STX8: variants seen among roughly 807,000 people sequenced by gnomAD.
The protein encoded by STX8 is syntaxin-8.
A neutral mutation model predicts 37.5 loss-of-function variants in STX8; 23 were observed. That is an observed-to-expected ratio of 0.61 (90% confidence interval 0.44 to 0.87). The LOEUF (loss-of-function observed/expected upper bound fraction) is 0.87. Ranked by LOEUF, STX8 falls within the 40% of genes least tolerant of loss-of-function variation. The pLI is 0.00. For missense variants in STX8, 313 were observed against 284.7 expected, an observed-to-expected ratio of 1.10 and a Z score of -0.71; for synonymous variants, 115 against 99.1, an observed-to-expected ratio of 1.16 and a Z score of -0.95.
At chr17:9,388,047 AGTT>A (rs1265165276) in intron 6 of STX8, among the ~76,000 whole-genome samples, 1 of 148,744 alleles carries the variant, frequency 6.7e-6, no homozygotes, top group Non-Finnish European at 1.5e-5. Flanking sequence ...CCTCTTTATT[AGTT>A]GTTGTTTCTA....
chr17:9,443,978 T>A (rs1053552464), intron 6 of STX8, among the ~76,000 whole-genome samples: 4 of 152,190 alleles, frequency 2.6e-5, no homozygotes, highest in African/African-American at 9.6e-5. Flanking sequence ...TGTGTCATCA[T>A]GTGACACGAC....
At chr17:9,427,776 C>T (rs73973742) in intron 6 of STX8, among the ~76,000 whole-genome samples, 7,507 of 152,164 alleles carry the variant, frequency 0.049, 565 homozygotes, top group African/African-American at 0.16. Flanking sequence ...AGAAGGCTAG[C>T]GGGTGCCTGT....
chr17:9,476,262 C>T (rs1335026755), intron 6 of STX8, among the ~76,000 whole-genome samples: 1 of 152,166 alleles, frequency 6.6e-6, no homozygotes, highest in African/African-American at 2.4e-5. Flanking sequence ...GTCCTTCATT[C>T]ATAAATATGA....
At chr17:9,445,749 C>T (rs182459330) in intron 6 of STX8, among the ~76,000 whole-genome samples, 57 of 152,142 alleles carry the variant, frequency 3.7e-4, no homozygotes, top group African/African-American at 1.3e-3. Context: ...CATGAAGATA[C>T]ATTAAGCACA....
intron 7 of STX8, among the ~76,000 whole-genome samples, chr17:9,282,112 TG>T (rs1332302451): frequency 6.6e-6 from 1 of 152,080 alleles, no homozygotes; most frequent in African/African-American, 2.4e-5. Flanking sequence ...GATAAATTTT[TG>T]TTTGGTACTG....
chr17:9,329,634 G>C (rs1314403746), intron 7 of STX8, among the ~76,000 whole-genome samples: 1 of 152,212 alleles, frequency 6.6e-6, no homozygotes, highest in Admixed American at 6.5e-5. Flanking sequence ...GGTGCCAAAT[G>C]GGGGAGGATG....
intron 5 of STX8, among the ~76,000 whole-genome samples, chr17:9,501,478 G>A (rs911287409): frequency 1.3e-5 from 2 of 150,930 alleles, no homozygotes; most frequent in Non-Finnish European, 2.9e-5. Flanking sequence ...GTCACCTGAG[G>A]TCAGGAGTTT....
At chr17:9,482,828 G>A (rs1399971566) in intron 6 of STX8, among the ~76,000 whole-genome samples, 3 of 152,114 alleles carry the variant, frequency 2.0e-5, no homozygotes, top group Non-Finnish European at 4.4e-5. Flanking sequence ...GCAGAAGAAT[G>A]GGTTGAACCC....
intron 1 of STX8, among the ~76,000 whole-genome samples, chr17:9,570,633 G>C (rs547913661): frequency 5.7e-4 from 86 of 152,114 alleles, no homozygotes; most frequent in African/African-American, 2.0e-3. Flanking sequence ...AGGAAAATTG[G>C]GTCCTGGTCC....
chr17:9,496,993 G>C (rs946365367), intron 5 of STX8, among the ~76,000 whole-genome samples: 1 of 152,140 alleles, frequency 6.6e-6, no homozygotes, highest in East Asian at 1.9e-4. Flanking sequence ...CACTAAGTTT[G>C]TGCTAATTTA....
chr17:9,508,010 G>A lies in STX8; in HGVS notation c.324-2848C>T, dbSNP rs146556174. Among the ~76,000 whole-genome samples, 23 of 152,058 alleles carry A rather than the reference G, an allele frequency of 1.5e-4. No homozygotes were observed. The East Asian group carries it at 2.3e-3, about 15-fold the overall frequency. Reference sequence around the variant, plus strand: ...ATAGACATCAACATAGGGATACATCGAACATGAAAAAGCAAGGAAACATGA... The same window carrying A: ...ATAGACATCAACATAGGGATACATCAAACATGAAAAAGCAAGGAAACATGA... On this transcript the variant is annotated intron_variant, in intron 4 of 7. Transcript: ENST00000306357.
intron 6 of STX8, among the ~76,000 whole-genome samples, chr17:9,408,942 C>T (rs752466128): frequency 2.6e-5 from 4 of 152,020 alleles, no homozygotes; most frequent in African/African-American, 7.3e-5. Flanking sequence ...AAGAAAGAAT[C>T]GTACCTACTG....
chr17:9,325,370 A>C (rs1246179318), intron 7 of STX8, among the ~76,000 whole-genome samples: 2 of 152,192 alleles, frequency 1.3e-5, no homozygotes, highest in Admixed American at 6.5e-5. Flanking sequence ...TAAGGTATGT[A>C]TAGTGTATGA....
intron 7 of STX8, among the ~76,000 whole-genome samples, chr17:9,354,655 A>C (rs1283639953): frequency 1.3e-4 from 19 of 151,884 alleles, no homozygotes; most frequent in Admixed American, 1.2e-3. Flanking sequence ...TCGTGCTTCC[A>C]TTTCTGTATT....
At chr17:9,399,865 C>CA (rs201703835) in intron 6 of STX8, among the ~76,000 whole-genome samples, 2,586 of 98,178 alleles carry the variant, frequency 0.026, 27 homozygotes, top group African/African-American at 0.034. Flanking sequence ...GACTCTGTCT[C>CA]AAAAAAAAAA....
At chr17:9,535,967 A>T (rs1906033487) in intron 4 of STX8, among the ~76,000 whole-genome samples, 1 of 152,234 alleles carries the variant, frequency 6.6e-6, no homozygotes, top group Admixed American at 6.5e-5. Context: ...GTGACAAAAG[A>T]ATGTTGCAGA....
intron 7 of STX8, among the ~76,000 whole-genome samples, chr17:9,274,054 G>T (rs936943572): frequency 5.9e-5 from 9 of 152,058 alleles, no homozygotes; most frequent in Admixed American, 5.9e-4. Flanking sequence ...GACCATAACC[G>T]GTACTTACTC....
intron 6 of STX8, among the ~76,000 whole-genome samples, chr17:9,416,451 C>T (rs1197445284): frequency 1.3e-5 from 2 of 151,988 alleles, no homozygotes; most frequent in African/African-American, 2.4e-5. Context: ...TTCACTGAAA[C>T]GTCCACCTCC....
intron 4 of STX8, among the ~76,000 whole-genome samples, chr17:9,523,019 T>C (rs565349332): frequency 6.6e-6 from 1 of 151,952 alleles, no homozygotes; most frequent in Non-Finnish European, 1.5e-5. Context: ...TGTATCAAAA[T>C]ATCACACTGT....
Sources: gnomAD v4.1 joint callset for allele counts (sites outside exome capture counted in the v4.1 genomes callset) on GRCh38, gnomAD v4.1.1 for gene constraint, MANE v1.5 for transcripts, NCBI Gene and HGNC (gene_info 2026-07-23, HGNC 2026-07-21) for gene names.